Variants in GPM6A observed in about 807,000 individuals in gnomAD.
GPM6A encodes glycoprotein M6A.
GPM6A carries 7 observed loss-of-function variants against 32.1 expected under a neutral mutation model. The ratio of observed to expected loss-of-function variants is 0.22; its 90% confidence interval spans 0.12 to 0.41. GPM6A has a LOEUF of 0.41. GPM6A is among the 10% of genes least tolerant of loss of function. The pLI, the probability that GPM6A is intolerant of heterozygous loss-of-function variation, is 1.00. For missense variants in GPM6A, 235 were observed against 347.2 expected, an observed-to-expected ratio of 0.68 and a Z score of 2.57; for synonymous variants, 130 against 123.4, an observed-to-expected ratio of 1.05 and a Z score of -0.35.
rs1219167918 is a variant in GPM6A at position 175,957,748 on chromosome 4, TAAGTA to T, written c.-23+44556_-23+44560del. Among the ~76,000 whole-genome samples, 8 of 152,228 alleles carry T rather than the reference TAAGTA, an allele frequency of 5.3e-5. No homozygotes were observed. The East Asian group carries it at 1.5e-3, about 29-fold the overall frequency. On this transcript the variant is annotated intron_variant, in intron 1 of 7. Transcript: ENST00000280187. ...ATCAATAGTAGGTTCTCATAAAAAA[TAAGTA>T]AATAAAGACAAAAAATAAAGTTATA...
At chr4:175,873,638 C>A (rs1736989222) in intron 1 of GPM6A, among the ~76,000 whole-genome samples, 2 of 152,024 alleles carry the variant, frequency 1.3e-5, no homozygotes, top group African/African-American at 2.4e-5. Context: ...CCAAAAAAGG[C>A]ACTTAATTTC....
chr4:175,938,737 C>CAAAAAAA (rs3034711), intron 1 of GPM6A, among the ~76,000 whole-genome samples: 1 of 134,092 alleles, frequency 7.5e-6, no homozygotes, highest in Non-Finnish European at 1.5e-5. Context: ...AAAGTAAAAC[C>CAAAAAAA]AAAAAAAAAA....
At chr4:175,707,313 A>C (rs1745250591) in intron 1 of GPM6A, among the ~76,000 whole-genome samples, 2 of 152,208 alleles carry the variant, frequency 1.3e-5, no homozygotes. Flanking sequence ...TTGGGCCAAT[A>C]CCACACTGCC....
At chr4:175,981,935 CT>C (rs956247336) in intron 1 of GPM6A, among the ~76,000 whole-genome samples, 72 of 151,714 alleles carry the variant, frequency 4.7e-4, no homozygotes, top group African/African-American at 1.7e-3. Context: ...TTCTGTTTTC[CT>C]TTTTTAAAAA....
intron 1 of GPM6A, among the ~76,000 whole-genome samples, chr4:175,806,595 T>C (rs879439364): frequency 4.6e-5 from 7 of 152,218 alleles, no homozygotes; most frequent in Admixed American, 1.3e-4. Context: ...AATTCTAAAA[T>C]GTTATATCTA....
At chr4:175,865,020 A>G (rs745571890) in intron 1 of GPM6A, among the ~76,000 whole-genome samples, 1 of 152,126 alleles carries the variant, frequency 6.6e-6, no homozygotes, top group Non-Finnish European at 1.5e-5. Flanking sequence ...CATGTTGGCC[A>G]GGATGGCCTT....
chr4:175,919,615 A>T (rs1344333339), intron 1 of GPM6A, among the ~76,000 whole-genome samples: 2 of 152,196 alleles, frequency 1.3e-5, no homozygotes, highest in African/African-American at 4.8e-5. Context: ...AAACAGAAGT[A>T]GTCAATAGGT....
At chr4:175,714,742 ATT>A in intron 1 of GPM6A, among the ~76,000 whole-genome samples, 1 of 152,320 alleles carries the variant, frequency 6.6e-6, no homozygotes, top group East Asian at 1.9e-4. Context: ...GAAAATGTTT[ATT>A]AAGATTAATA....
chr4:175,913,616 A>T (rs1228971666), intron 1 of GPM6A, among the ~76,000 whole-genome samples: 1 of 152,134 alleles, frequency 6.6e-6, no homozygotes, highest in Admixed American at 6.6e-5. Flanking sequence ...CACATCAGCG[A>T]ATTTGCTTCT....
chr4:175,944,824 A>T (rs1739535003), intron 1 of GPM6A, among the ~76,000 whole-genome samples: 1 of 152,158 alleles, frequency 6.6e-6, no homozygotes, highest in Non-Finnish European at 1.5e-5. Flanking sequence ...AACCAGCGCA[A>T]CACTATTCCT....
intron 3 of GPM6A, among the ~76,000 whole-genome samples, chr4:175,657,493 C>T (rs1742145187): frequency 6.6e-6 from 1 of 152,092 alleles, no homozygotes; most frequent in African/African-American, 2.4e-5. Flanking sequence ...CTCAGGAGTA[C>T]ATGTGTTGTG....
intron 1 of GPM6A, among the ~76,000 whole-genome samples, chr4:175,930,210 T>G (rs73014069): frequency 1.4e-3 from 218 of 152,218 alleles, no homozygotes; most frequent in African/African-American, 5.1e-3. Flanking sequence ...AATAACATTC[T>G]GTAAAAATTG....
At chr4:175,708,240 TA>T (rs1175980287) in intron 1 of GPM6A, among the ~76,000 whole-genome samples, 1 of 152,098 alleles carries the variant, frequency 6.6e-6, no homozygotes, top group Non-Finnish European at 1.5e-5. Context: ...GGGTAAGGAG[TA>T]CTGGAATATC....
intron 1 of GPM6A, among the ~76,000 whole-genome samples, chr4:175,725,283 T>C (rs542164242): frequency 8.4e-6 from 1 of 118,782 alleles, no homozygotes; most frequent in Non-Finnish European, 1.7e-5. Flanking sequence ...ATGCATTATG[T>C]TTTGGGTTTT....
intron 2 of GPM6A, among the ~76,000 whole-genome samples, chr4:175,677,378 C>T (rs1385919644): frequency 1.3e-5 from 2 of 151,882 alleles, no homozygotes; most frequent in South Asian, 2.1e-4. Flanking sequence ...TTTCTATGTG[C>T]TAACACATAA....
intron 1 of GPM6A, among the ~76,000 whole-genome samples, chr4:175,757,399 C>A (rs1732569656): frequency 6.6e-6 from 1 of 152,138 alleles, no homozygotes; most frequent in South Asian, 2.1e-4. Flanking sequence ...CAATTCAGAA[C>A]CGTCTAGCCA....
At chr4:175,753,852 T>A (rs781082417) in intron 1 of GPM6A, among the ~76,000 whole-genome samples, 2 of 152,144 alleles carry the variant, frequency 1.3e-5, no homozygotes, top group Admixed American at 6.6e-5. Context: ...TTGATCATGG[T>A]GTGCCTTCTC....
chr4:175,931,709 C>CACACACACACACATATATATAT (rs1324269132), intron 1 of GPM6A, among the ~76,000 whole-genome samples: 4 of 129,298 alleles, frequency 3.1e-5, no homozygotes, highest in African/African-American at 1.1e-4. Flanking sequence ...CACACACACA[C>CACACACACACACATATATATAT]ATATATATAT....
chr4:175,986,622 C>T (rs1416027120), intron 1 of GPM6A, among the ~76,000 whole-genome samples: 1 of 152,182 alleles, frequency 6.6e-6, no homozygotes, highest in African/African-American at 2.4e-5. Context: ...TTAAACAAAA[C>T]CTTTCTTATA....
Sources: gnomAD v4.1 joint callset for allele counts (sites outside exome capture counted in the v4.1 genomes callset) on GRCh38, gnomAD v4.1.1 for gene constraint, MANE v1.5 for transcripts, NCBI Gene and HGNC (gene_info 2026-07-23, HGNC 2026-07-21) for gene names.